Variants in RPA1 observed in about 807,000 individuals in gnomAD.
The protein encoded by RPA1 is replication protein A1.
Under a neutral mutation model 83.0 loss-of-function variants are expected in RPA1, and 49 were observed. The observed-to-expected ratio is 0.59, with a 90% CI of 0.47 to 0.75. The LOEUF (loss-of-function observed/expected upper bound fraction) is 0.75. Ranked by LOEUF, RPA1 falls within the 30% of genes least tolerant of loss-of-function variation. RPA1 has a pLI of 0.00. For synonymous variants in RPA1, 279 were observed against 281.8 expected (o/e 0.99, Z 0.10); for missense variants, 693 against 776.1 (o/e 0.89, Z 1.27).
intron 5 of RPA1, among the ~76,000 whole-genome samples, chr17:1,860,663 G>A (rs1246262319): frequency 6.6e-6 from 1 of 152,116 alleles, no homozygotes; most frequent in Non-Finnish European, 1.5e-5. Context: ...TAAGGTCCTT[G>A]TCTGTGGATT....
At chr17:1,896,904 C>T (rs887877936) in intron 16 of RPA1, among the ~76,000 whole-genome samples, 167 bp from the exon 17 acceptor site, 2 of 152,178 alleles carry the variant, frequency 1.3e-5, no homozygotes, top group Non-Finnish European at 2.9e-5. Context: ...TTCACTCGCC[C>T]AGCCCCAGAC....
Position 1,830,112 on chromosome 17 carries a change from G to C in RPA1, c.19G>C (p.Glu7Gln). The C allele has an allele frequency of 8.0e-7, 1 of 1,249,026 alleles. No homozygotes were observed. The highest frequency in any genetic ancestry group is 1.0e-6 in the Non-Finnish European group (1 of 988,508). 77.4% of individuals were successfully genotyped at this position (1,249,026 alleles called of 1,614,324 possible). A position where few individuals can be genotyped will look rare whatever the true frequency, so the allele number is the denominator to read the frequency against. The change falls in exon 1 of 17, where the codon GAG becomes CAG. Residue 7 changes from glutamate (E) to glutamine (Q), a missense_variant. Transcript: ENST00000254719. MVGQLSEGAIAAIMQKG... is the reference protein window; with the variant it reads MVGQLSQGAIAAIMQKG... ...TGGAGCCATGGTCGGCCAACTGAGC[G>C]AGGGGGCCATTGCGGTGAGGAGGTG...
chr17:1,836,841 T>A lies in RPA1; in HGVS notation c.34-5962T>A, dbSNP rs35173699. Among the ~76,000 whole-genome samples the A allele has an allele frequency of 9.9e-3, 1,466 of 148,100 alleles. 42 individuals carry two copies. The highest frequency in any genetic ancestry group is 0.063 in the Admixed American group (929 of 14,750). On this transcript the variant is annotated intron_variant, in intron 1 of 16. Transcript: ENST00000254719. Reference sequence around the variant, plus strand: ...CACTCTTGGCTAATTAAAAAAAAATTTTTTTTTTTTTTTTTGAGACACAGT... The same window carrying A: ...CACTCTTGGCTAATTAAAAAAAAATATTTTTTTTTTTTTTTGAGACACAGT...
intron 5 of RPA1, among the ~76,000 whole-genome samples, chr17:1,868,197 A>G (rs1913251750): frequency 1.3e-5 from 2 of 151,952 alleles, no homozygotes; most frequent in South Asian, 4.2e-4. Context: ...GCTCAGGGGG[A>G]TAAGATTGCT....
intron 13 of RPA1, among the ~76,000 whole-genome samples, chr17:1,888,241 G>A (rs186878297): frequency 2.6e-5 from 4 of 152,186 alleles, no homozygotes; most frequent in Non-Finnish European, 5.9e-5. Context: ...TTTTGAGCGC[G>A]GGAGGGATGG....
chr17:1,886,704 GC>G (rs1329080360), intron 13 of RPA1, among the ~76,000 whole-genome samples: 5 of 132,586 alleles, frequency 3.8e-5, no homozygotes, highest in Admixed American at 1.5e-4. Context: ...TTCTTCTGCA[GC>G]TTTTTTTTTT....
rs779323077 is a variant in RPA1 at position 1,844,532 on chromosome 17, AAGACTGC to A, written c.164-43_164-37del. On this transcript the variant is annotated intron_variant, in intron 3 of 16. Transcript: ENST00000254719. ...AGGTATGAGTAGCTCTCAGAGGCTT[AAGACTGC>A]AGGATTTTGGAGGCTAAAGAAATCT... The A allele has an allele frequency of 1.3e-4, 190 of 1,509,416 alleles. 1 individual carries two copies. The highest frequency in any genetic ancestry group is 1.7e-4 in the Non-Finnish European group (183 of 1,092,206). 93.5% of individuals were successfully genotyped at this position (1,509,416 alleles called of 1,614,324 possible).
rs568563847 is a variant in RPA1, at chr17:1,875,911, A to G, written c.587+118A>G. 9.5e-6 allele frequency: 9 copies of G among 948,590 alleles called. No individual in the cohort carries two copies. The African/African-American group carries it at 1.4e-4, about 15-fold the overall frequency. The allele number at this position is 948,590 out of a possible 1,614,324, so 58.8% of individuals were successfully genotyped here. A position where few individuals can be genotyped will look rare whatever the true frequency, so the allele number is the denominator to read the frequency against. ...TCACCACCAAATACCACCAAATAGA[A>G]TGGGTTTACTCTTTTTTTTTTTTTT... On this transcript the variant is annotated intron_variant, in intron 7 of 16. Transcript: ENST00000254719.
intron 5 of RPA1, among the ~76,000 whole-genome samples, chr17:1,861,399 T>A (rs1272517590): frequency 6.6e-6 from 1 of 152,182 alleles, no homozygotes; most frequent in Non-Finnish European, 1.5e-5. Flanking sequence ...TCACGTATTT[T>A]CTCCCTTTCT....
At chr17:1,842,093 G>A (rs1912068501) in intron 1 of RPA1, among the ~76,000 whole-genome samples, 1 of 152,068 alleles carries the variant, frequency 6.6e-6, no homozygotes. Flanking sequence ...TGGGCTCAAA[G>A]CAGTCCTCCC....
rs1056846791 is a variant in RPA1, at chr17:1,853,340, T to C, written c.361+151T>C. 2.8e-5 allele frequency: 18 copies of C among 638,318 alleles called. No homozygotes were observed. In the African/African-American group the frequency reaches 3.0e-4, roughly 10 times the overall value. The allele number at this position is 638,318 out of a possible 1,614,324, so 39.5% of individuals were successfully genotyped here. A position where few individuals can be genotyped will look rare whatever the true frequency, so the allele number is the denominator to read the frequency against. On this transcript the variant is annotated intron_variant, in intron 5 of 16. Coordinates refer to ENST00000254719, the MANE Select transcript of RPA1 (RefSeq NM_002945.5). ...AACCAGGCTATTCTGTCAGGCTTTT[T>C]CAGTTCTAAAGAAATGATGTATGAA...
At chr17:1,840,830 G>A (rs149676919) in intron 1 of RPA1, among the ~76,000 whole-genome samples, 1,685 of 152,168 alleles carry the variant, frequency 0.011, 36 homozygotes, top group African/African-American at 0.038. Flanking sequence ...TTTTTGGGAG[G>A]CTGAGGCGGG....
intron 15 of RPA1, 91 bp from the exon 16 acceptor site, chr17:1,894,918 T>C (rs1914340882): frequency 1.0e-6 from 1 of 956,270 alleles, no homozygotes; most frequent in Admixed American, 1.9e-5. Context: ...ACCCAGGAGA[T>C]GCATTTTCAG....
chr17:1,862,259 T>A (rs1433005767), intron 5 of RPA1, among the ~76,000 whole-genome samples: 1 of 137,898 alleles, frequency 7.3e-6, no homozygotes, highest in East Asian at 2.2e-4. Flanking sequence ...GGTCTTGAAC[T>A]CCTGGGCTCA....
chr17:1,879,545 G>C lies in RPA1; in HGVS notation c.953-15G>C, dbSNP rs758455861. ...AGTCTTGACCACCTCCTGCTAACAC[G>C]TGCATGTGTTTTAGACATCATCGGG... is the stretch of plus-strand genomic sequence containing the variant. On this transcript the variant is annotated splice_polypyrimidine_tract_variant and intron_variant, in intron 10 of 16. Coordinates refer to ENST00000254719, the MANE Select transcript of RPA1 (RefSeq NM_002945.5). 1.2e-6 allele frequency: 2 copies of C among 1,614,028 alleles called. No homozygotes were observed. Among genetic ancestry groups the C allele is most frequent in the Non-Finnish European group, 1.7e-6 (2 of 1,180,036 alleles).
chr17:1,891,463 A>G (rs1480343063), intron 14 of RPA1, among the ~76,000 whole-genome samples: 1 of 152,236 alleles, frequency 6.6e-6, no homozygotes, highest in African/African-American at 2.4e-5. Flanking sequence ...TCTGTCACCC[A>G]GGCTGGAGTG....
At chr17:1,890,385 G>A (rs770600549) in intron 14 of RPA1, among the ~76,000 whole-genome samples, 29 of 149,644 alleles carry the variant, frequency 1.9e-4, no homozygotes, top group Admixed American at 1.5e-3. Context: ...TAAATAGGCC[G>A]GGCACGGTGG....
rs114600942 is a variant in RPA1 at position 1,861,472 on chromosome 17, C to T, written c.361+8283C>T. On this transcript the variant is annotated intron_variant, in intron 5 of 16. Coordinates refer to ENST00000254719, the MANE Select transcript of RPA1 (RefSeq NM_002945.5). Reference sequence around the variant, plus strand: ...CCTGGTCTCTGTTGCTCCATTTGTCCGGTACGTAGTTTTAAAAGTTGAATA... The same window carrying T: ...CCTGGTCTCTGTTGCTCCATTTGTCTGGTACGTAGTTTTAAAAGTTGAATA... Among the ~76,000 whole-genome samples the T allele has an allele frequency of 2.7e-3, 414 of 152,224 alleles. 4 individuals are homozygous for T. The highest frequency in any genetic ancestry group is 8.8e-3 in the African/African-American group (366 of 41,526).
chr17:1,892,212 G>T (rs556408629), intron 15 of RPA1, among the ~76,000 whole-genome samples: 2 of 152,100 alleles, frequency 1.3e-5, no homozygotes, highest in Non-Finnish European at 2.9e-5. Flanking sequence ...TTACCATGTT[G>T]GCCAGGCTGG....
Sources: gnomAD v4.1 joint callset for allele counts (sites outside exome capture counted in the v4.1 genomes callset) on GRCh38, gnomAD v4.1.1 for gene constraint, MANE v1.5 for transcripts, NCBI Gene and HGNC (gene_info 2026-07-23, HGNC 2026-07-21) for gene names.